The following PCDHGA4 variants were observed in gnomAD, a reference collection of about 807,000 sequenced individuals.
The protein encoded by PCDHGA4 is protocadherin gamma subfamily A, 4.
PCDHGA4 carries 38 observed loss-of-function variants against 54.6 expected under a neutral mutation model. The observed-to-expected ratio is 0.70, with a 90% CI of 0.54 to 0.91. The LOEUF (loss-of-function observed/expected upper bound fraction) is 0.91, where lower values mean the gene tolerates loss of function less well. PCDHGA4 is among the 40% of genes least tolerant of loss of function. PCDHGA4 has a pLI of 0.00. For missense variants in PCDHGA4, 1,298 were observed against 1,220.9 expected, an observed-to-expected ratio of 1.06 and a Z score of -0.94; for synonymous variants, 511 against 512.9, an observed-to-expected ratio of 1.00 and a Z score of 0.05.
intron 1 of PCDHGA4, chr5:141,416,674 G>T (rs547618174): frequency 6.6e-6 from 1 of 152,132 alleles, no homozygotes; most frequent in Non-Finnish European, 1.5e-5. Context: ...TATATGCAAC[G>T]AAGGGAAATT....
In PCDHGA4 at chr5:141,356,834, A is replaced by C; in HGVS notation, c.1727A>C (p.Asn576Thr). 6.2e-7 allele frequency: 1 copy of C among 1,614,166 alleles called. No individual in the cohort carries two copies. The highest frequency in any genetic ancestry group is 8.5e-7 in the Non-Finnish European group (1 of 1,180,004). Residue 576 changes from asparagine to threonine, a missense_variant, in exon 1 of 4, where the codon AAT (asparagine) becomes ACT (threonine). Asn to Thr is a moderately conservative substitution (Grantham distance 65). Coordinates refer to ENST00000571252, the MANE Select transcript of PCDHGA4 (RefSeq NM_018917.4). ...AGTGGAGACCCTCCACTCAGCAGCAATGTGTCACTGAGCCTCTTTGTGCTG... is the reference window on the plus strand; with the variant it reads ...AGTGGAGACCCTCCACTCAGCAGCACTGTGTCACTGAGCCTCTTTGTGCTG... The part of the protein sequence containing the change: ...SDSGDPPLSS[N>T]VSLSLFVLDQ...
intron 1 of PCDHGA4, chr5:141,418,282 A>G (rs1209026046): frequency 6.2e-7 from 1 of 1,614,030 alleles, no homozygotes; most frequent in Admixed American, 1.7e-5. Flanking sequence ...TAAACTTAGA[A>G]ATCAGTGAAT....
rs556484142 is a variant in PCDHGA4 at position 141,503,243 on chromosome 5, CA to C, written c.2574-2149del. On this transcript the variant is annotated intron_variant, in intron 2 of 3. Coordinates refer to ENST00000571252, the MANE Select transcript of PCDHGA4 (RefSeq NM_018917.4). ...CACCGTAAAGATGGACAGTTTCTAT[CA>C]TACTCACAGCCACAACCCCAGCACC... Among the ~76,000 whole-genome samples, 232 of 152,196 alleles carry C rather than the reference CA, an allele frequency of 1.5e-3. 2 individuals carry two copies. Among genetic ancestry groups the C allele is most frequent in the African/African-American group, 5.3e-3 (219 of 41,516 alleles).
chr5:141,375,048 G>A (rs1457528416), intron 1 of PCDHGA4: 4 of 1,614,022 alleles, frequency 2.5e-6, no homozygotes, highest in South Asian at 1.1e-5. Flanking sequence ...GTTGAAGCCC[G>A]GGATGGGCCA....
chr5:141,479,574 T>A (rs1291334449), intron 1 of PCDHGA4: 1 of 152,228 alleles, frequency 6.6e-6, no homozygotes, highest in South Asian at 2.1e-4. Context: ...GGATGACATC[T>A]GTGAATAGCC....
chr5:141,372,323 G>T, intron 1 of PCDHGA4: 5 of 1,613,694 alleles, frequency 3.1e-6, no homozygotes, highest in Non-Finnish European at 4.2e-6. Context: ...AGCGCCTGCT[G>T]GTCACTGTGC....
At chr5:141,507,798 GCCCT>G (rs2099863561) in intron 3 of PCDHGA4, among the ~76,000 whole-genome samples, 1 of 152,188 alleles carries the variant, frequency 6.6e-6, no homozygotes, top group Admixed American at 6.5e-5. Context: ...CTAAGCCTGC[GCCCT>G]GGGGAACGGA....
chr5:141,460,909 G>GGT (rs548378036), intron 1 of PCDHGA4, among the ~76,000 whole-genome samples: 1,853 of 123,260 alleles, frequency 0.015, 18 homozygotes, highest in Non-Finnish European at 0.019. Context: ...AATATTCCAT[G>GGT]GTGTATATAT....
intron 1 of PCDHGA4, among the ~76,000 whole-genome samples, chr5:141,492,559 C>G (rs533830391): frequency 2.0e-5 from 3 of 152,174 alleles, no homozygotes; most frequent in Non-Finnish European, 4.4e-5. Context: ...GCCTGGGGGG[C>G]GGCCTGAGCG....
At chr5:141,390,433 AT>A (rs1395897313) in intron 1 of PCDHGA4, 1 of 978,654 alleles carries the variant, frequency 1.0e-6, no homozygotes, top group East Asian at 2.6e-5. Context: ...CTGTCATATC[AT>A]TCTACAAAGG....
intron 1 of PCDHGA4, among the ~76,000 whole-genome samples, chr5:141,448,711 C>T (rs62379167): frequency 0.23 from 35,567 of 151,844 alleles, 4,336 homozygotes; most frequent in Admixed American, 0.32. Context: ...GAGGCCGAGG[C>T]GGGAGGATCA....
chr5:141,392,700 T>C, intron 1 of PCDHGA4: 1 of 1,257,648 alleles, frequency 8.0e-7, no homozygotes, highest in Non-Finnish European at 1.1e-6. Flanking sequence ...GACCCCTGTT[T>C]GGAGGCACTC....
Position 141,490,810 on chromosome 5 carries a change from T to C in PCDHGA4, c.2515-3997T>C, listed in dbSNP as rs2099704652. On this transcript the variant is annotated intron_variant, in intron 1 of 3. Transcript: ENST00000571252. This position sits in a 1 kb window ranked among gnomAD's most constrained non-coding sequence, Gnocchi z 5.4. ...GATCTTTGCCCAGCGTACCTTTGAC[T>C]ATGAATTGCTGCAGATGCTGCAGAT... 1 of 1,613,936 alleles carries C rather than the reference T, an allele frequency of 6.2e-7. No individual in the cohort carries two copies. Among genetic ancestry groups the C allele is most frequent in the Non-Finnish European group, 8.5e-7 (1 of 1,179,884 alleles).
chr5:141,457,708 T>C (rs1160977721), intron 1 of PCDHGA4, among the ~76,000 whole-genome samples: 1 of 152,260 alleles, frequency 6.6e-6, no homozygotes, highest in Admixed American at 6.5e-5. Context: ...GATGAAACAC[T>C]GTTCCACAAG....
intron 1 of PCDHGA4, chr5:141,370,354 C>T (rs745912783): frequency 1.4e-5 from 21 of 1,505,704 alleles, no homozygotes; most frequent in Non-Finnish European, 1.9e-5. Flanking sequence ...TTAAAGATCT[C>T]CTCTCCTCGG....
In PCDHGA4 at chr5:141,356,493, A is replaced by C; in HGVS notation, c.1386A>C (p.Pro462=). 1 of 1,613,938 alleles carries C rather than the reference A, an allele frequency of 6.2e-7. No individual in the cohort carries two copies. Among genetic ancestry groups the C allele is most frequent in the Non-Finnish European group, 8.5e-7 (1 of 1,179,876 alleles). ...TVTATDQGTP[P]LSTETHISLQ... ...CTGCCACTGACCAGGGAACTCCTCC[A>C]CTGTCTACAGAAACTCATATTTCAC... Residue 462 remains proline, a synonymous_variant, in exon 1 of 4, where the codon CCA becomes CCC. Coordinates refer to ENST00000571252, the MANE Select transcript of PCDHGA4 (RefSeq NM_018917.4).
Position 141,505,463 on chromosome 5 carries a change from A to G in PCDHGA4, c.2644A>G (p.Ile882Val). 1 of 1,614,184 alleles carries G rather than the reference A, an allele frequency of 6.2e-7. No homozygotes were observed. Among genetic ancestry groups the G allele is most frequent in the East Asian group, 2.2e-5 (1 of 44,876 alleles). Residue 882 changes from isoleucine to valine, a missense_variant, in exon 3 of 4, where the codon ATC (isoleucine) becomes GTC (valine). Ile to Val is a conservative substitution (Grantham distance 29). Transcript: ENST00000571252. Reference protein sequence around the residue: ...QFDTEMLQAMILASASEAADG... With the variant: ...QFDTEMLQAMVLASASEAADG... ...TGACACAGAGATGCTGCAAGCCATG[A>G]TCTTGGCGTCCGCCAGTGGTAAGTG...
Position 141,486,886 on chromosome 5 carries a change from G to A in PCDHGA4, c.2515-7921G>A. The A allele has an allele frequency of 1.9e-6, 3 of 1,614,222 alleles. No individual in the cohort carries two copies. The highest frequency in any genetic ancestry group is 2.5e-6 in the Non-Finnish European group (3 of 1,180,044). ...CAGCTGTGCTCCGTCCTCGGGCCCGGCCTGGTTCCTTATGTCCCCAAGCAC... is the reference window on the plus strand; with the variant it reads ...CAGCTGTGCTCCGTCCTCGGGCCCGACCTGGTTCCTTATGTCCCCAAGCAC... On this transcript the variant is annotated intron_variant, in intron 1 of 3. Coordinates refer to ENST00000571252, the MANE Select transcript of PCDHGA4 (RefSeq NM_018917.4). This position sits in a 1 kb window ranked among gnomAD's most constrained non-coding sequence, Gnocchi z 5.0.
chr5:141,510,833 C>T (rs2099882936), intron 3 of PCDHGA4, 114 bp from the exon 4 acceptor site: 46 of 1,577,678 alleles, frequency 2.9e-5, no homozygotes, highest in South Asian at 2.5e-4. Context: ...CAGTGCTCAG[C>T]GTGGTCAAGG....
Sources: allele counts gnomAD v4.1 joint callset (sites outside exome capture counted in the v4.1 genomes callset), GRCh38; gene constraint gnomAD v4.1.1; non-coding constraint Gnocchi (gnomAD v3.1); transcripts MANE v1.5; gene names NCBI Gene and HGNC (gene_info 2026-07-23, HGNC 2026-07-21).